MYO1D: variants seen among roughly 807,000 people sequenced by gnomAD.
MYO1D encodes unconventional myosin-Id.
A neutral mutation model predicts 122.0 loss-of-function variants in MYO1D; 83 were observed. That is an observed-to-expected ratio of 0.68 (90% CI 0.57 to 0.82). The LOEUF is 0.82. MYO1D is among the 40% of genes least tolerant of loss of function. The pLI is 0.00. For synonymous variants in MYO1D, 464 were observed against 446.9 expected (o/e 1.04, Z -0.48); for missense variants, 1,157 against 1,269.5 (o/e 0.91, Z 1.35).
At chr17:32,813,365 A>G (rs1329352999) in intron 1 of MYO1D, among the ~76,000 whole-genome samples, 1 of 152,244 alleles carries the variant, frequency 6.6e-6, no homozygotes, top group Non-Finnish European at 1.5e-5. Flanking sequence ...GAGGAAATGC[A>G]GGGAGATATA....
At chr17:32,607,091 C>T (rs568148111) in intron 20 of MYO1D, among the ~76,000 whole-genome samples, 2 of 152,040 alleles carry the variant, frequency 1.3e-5, no homozygotes, top group South Asian at 2.1e-4. Flanking sequence ...ACCCGGGAGG[C>T]GGAGGTTGCA....
At chr17:32,832,556 C>T (rs939145892) in intron 1 of MYO1D, among the ~76,000 whole-genome samples, 2 of 152,088 alleles carry the variant, frequency 1.3e-5, no homozygotes, top group African/African-American at 4.8e-5. Context: ...CCTCGGCCTC[C>T]CAAAGTGCTG....
At chr17:32,722,904 A>C (rs1268004796) in intron 14 of MYO1D, among the ~76,000 whole-genome samples, 2 of 152,104 alleles carry the variant, frequency 1.3e-5, no homozygotes, top group Admixed American at 1.3e-4. Flanking sequence ...GGAGCTGGTC[A>C]CCAGAAAACT....
chr17:32,603,593 T>C (rs2087588704), intron 21 of MYO1D, among the ~76,000 whole-genome samples: 1 of 150,982 alleles, frequency 6.6e-6, no homozygotes, highest in Admixed American at 6.6e-5. Flanking sequence ...TGGCGGGATC[T>C]TGGCTCACAG....
chr17:32,605,588 T>C (rs1356697245), intron 20 of MYO1D, among the ~76,000 whole-genome samples: 1 of 151,928 alleles, frequency 6.6e-6, no homozygotes, highest in Non-Finnish European at 1.5e-5. Flanking sequence ...GAAAAATTAA[T>C]GAAACAGGGA....
chr17:32,800,614 G>A (rs2090452735), intron 1 of MYO1D, among the ~76,000 whole-genome samples: 1 of 152,060 alleles, frequency 6.6e-6, no homozygotes, highest in Admixed American at 6.5e-5. Flanking sequence ...CTAGAGAGGA[G>A]GAAAAAGTCA....
intron 15 of MYO1D, among the ~76,000 whole-genome samples, chr17:32,720,065 C>A (rs140703712): frequency 3.6e-3 from 547 of 152,094 alleles, no homozygotes; most frequent in Non-Finnish European, 6.0e-3. Flanking sequence ...TTTTAATTTT[C>A]TGCATTTTTC....
At chr17:32,768,852 C>T (rs1213553351) in intron 6 of MYO1D, among the ~76,000 whole-genome samples, 1 of 152,166 alleles carries the variant, frequency 6.6e-6, no homozygotes, top group Non-Finnish European at 1.5e-5. Flanking sequence ...TTATTATAAA[C>T]TGCAACCATG....
chr17:32,819,399 C>T (rs1048690635), intron 1 of MYO1D, among the ~76,000 whole-genome samples: 1 of 152,124 alleles, frequency 6.6e-6, no homozygotes, highest in African/African-American at 2.4e-5. Context: ...AGTCCATTCC[C>T]CTCCGTTTAC....
intron 1 of MYO1D, among the ~76,000 whole-genome samples, chr17:32,869,564 T>C (rs2091160494): frequency 6.6e-6 from 1 of 152,186 alleles, no homozygotes; most frequent in African/African-American, 2.4e-5. Context: ...AGAATTATCA[T>C]TAAATGAGGT....
At chr17:32,700,452 G>C (rs1334884248) in intron 16 of MYO1D, among the ~76,000 whole-genome samples, 1 of 152,196 alleles carries the variant, frequency 6.6e-6, no homozygotes, top group African/African-American at 2.4e-5. Context: ...CGTGGCACAA[G>C]GGTTGGGGAC....
chr17:32,615,079 G>C (rs914970695), intron 20 of MYO1D, among the ~76,000 whole-genome samples: 1 of 152,182 alleles, frequency 6.6e-6, no homozygotes, highest in South Asian at 2.1e-4. Flanking sequence ...ATAAAGTAGC[G>C]GTCGTTTCAT....
At chr17:32,669,895 C>CTTTT (rs151075296) in intron 16 of MYO1D, among the ~76,000 whole-genome samples, 1 of 143,838 alleles carries the variant, frequency 7.0e-6, no homozygotes. Flanking sequence ...TTTTCTTTTT[C>CTTTT]TTTTTTCTTT....
chr17:32,708,454 A>G (rs1234522277), intron 16 of MYO1D, among the ~76,000 whole-genome samples: 1 of 152,152 alleles, frequency 6.6e-6, no homozygotes, highest in African/African-American at 2.4e-5. Flanking sequence ...TTTTTATTTT[A>G]AAAGGAAATA....
chr17:32,775,629 C>T (rs1225462043), intron 4 of MYO1D, among the ~76,000 whole-genome samples: 1 of 152,162 alleles, frequency 6.6e-6, no homozygotes, highest in African/African-American at 2.4e-5. Context: ...CCTGTGCCCC[C>T]ACCCATTCAC....
At chr17:32,726,205 G>A (rs1158219281) in intron 14 of MYO1D, among the ~76,000 whole-genome samples, 1 of 152,156 alleles carries the variant, frequency 6.6e-6, no homozygotes, top group Non-Finnish European at 1.5e-5. Flanking sequence ...GATAAGTTGA[G>A]GTCAGGGGTT....
At chr17:32,720,425 T>G (rs1245550314) in intron 15 of MYO1D, among the ~76,000 whole-genome samples, 1 of 152,042 alleles carries the variant, frequency 6.6e-6, no homozygotes, top group African/African-American at 2.4e-5. Flanking sequence ...GAAACAGGCA[T>G]GAAAAGGGTA....
chr17:32,802,322 A>G (rs529305719), intron 1 of MYO1D, among the ~76,000 whole-genome samples: 2 of 152,356 alleles, frequency 1.3e-5, no homozygotes, highest in South Asian at 4.2e-4. Context: ...ATGTCAAGGT[A>G]CTAACAGTTT....
chr17:32,841,851 A>C (rs932028645), intron 1 of MYO1D, among the ~76,000 whole-genome samples: 13 of 152,130 alleles, frequency 8.5e-5, no homozygotes, highest in South Asian at 2.1e-4. Context: ...TCAGGTCTGC[A>C]GGGTATTTCT....
Sources: allele counts gnomAD v4.1 joint callset (sites outside exome capture counted in the v4.1 genomes callset), GRCh38; gene constraint gnomAD v4.1.1; transcripts MANE v1.5; gene names NCBI Gene and HGNC (gene_info 2026-07-23, HGNC 2026-07-21).